The following ERBB3 variants were observed in gnomAD, a reference collection of about 807,000 sequenced individuals.
ERBB3 encodes receptor tyrosine-protein kinase erbB-3.
ERBB3 carries 96 observed loss-of-function variants against 156.7 expected under a neutral mutation model. The observed-to-expected ratio is 0.61, with a 90% CI of 0.52 to 0.73. The LOEUF (loss-of-function observed/expected upper bound fraction) is 0.73, where lower values mean the gene tolerates loss of function less well. ERBB3 is among the 30% of genes least tolerant of loss of function. The probability of loss-of-function intolerance (pLI) is 0.00; values close to 1 mark genes in which losing one functional copy is unlikely to be tolerated. For synonymous variants in ERBB3, 567 were observed against 632.0 expected, an observed-to-expected ratio of 0.90 and a Z score of 1.54; for missense variants, 1,406 against 1,709.4, an observed-to-expected ratio of 0.82 and a Z score of 3.13.
At chr12:56,089,074 C>T (rs890598417) in intron 9 of ERBB3, 11 of 675,572 alleles carry the variant, frequency 1.6e-5, no homozygotes, top group Admixed American at 1.2e-4. Context: ...AATTCAATAT[C>T]GCCCTGCCAA....
At chr12:56,099,198 C>T (rs564272028) in intron 23 of ERBB3, among the ~76,000 whole-genome samples, 20 of 151,640 alleles carry the variant, frequency 1.3e-4, no homozygotes, top group Admixed American at 9.2e-4. Flanking sequence ...TCAGGTGATC[C>T]GCCTGCCTCA....
In ERBB3 at chr12:56,097,705, C is replaced by T. The variant is rs1044227670; in HGVS notation, c.2461-80C>T. 7 of 1,471,812 alleles carry T rather than the reference C, an allele frequency of 4.8e-6. No homozygotes were observed. The African/African-American group carries it at 9.7e-5, about 20-fold the overall frequency. 91.2% of individuals were successfully genotyped at this position (1,471,812 alleles called of 1,614,324 possible). ...GTTGGGGACCACTGCTGAGAGGTAC[C>T]TTCAAGATTTGGGGGAATTCCAGAT... On this transcript the variant is annotated intron_variant, in intron 20 of 27. Coordinates refer to ENST00000267101, the MANE Select transcript of ERBB3 (RefSeq NM_001982.4).
chr12:56,101,306 C>G lies in ERBB3; in HGVS notation c.3447C>G (p.Pro1149=), dbSNP rs775439390. 3.1e-6 allele frequency: 5 copies of G among 1,614,194 alleles called. No individual in the cohort carries two copies. The Admixed American group carries it at 6.7e-5, about 22-fold the overall frequency. Residue 1149 remains proline (P), a synonymous_variant, in exon 27 of 28, where the codon CCC becomes CCG. Transcript: ENST00000267101. ...LLTPVTPLSP[P]GLEEEDVNGY... The stretch of plus-strand genomic sequence containing the variant: ...CTCCTGTTACCCCACTCTCCCCACC[C>G]GGGTTAGAGGAAGAGGATGTCAACG...
In ERBB3 at chr12:56,095,176, A is replaced by G; in HGVS notation, c.1860-81A>G. The G allele has an allele frequency of 2.7e-6, 3 of 1,125,474 alleles. 1 individual carries two copies. The highest frequency in any genetic ancestry group is 2.5e-5 in the South Asian group (2 of 80,900). 69.7% of individuals were successfully genotyped at this position (1,125,474 alleles called of 1,614,324 possible). On this transcript the variant is annotated intron_variant, in intron 15 of 27. Coordinates refer to ENST00000267101, the MANE Select transcript of ERBB3 (RefSeq NM_001982.4). ...ATGGGATGCCACGGTAAGTTCTGAA[A>G]CAAGCTTTTATATGTTAGGCTGTTG... is the stretch of plus-strand genomic sequence containing the variant.
chr12:56,091,282 A>ATGTT (rs1868678053), intron 9 of ERBB3, among the ~76,000 whole-genome samples: 1 of 660 alleles, frequency 1.5e-3, no homozygotes, highest in African/African-American at 3.4e-3. Flanking sequence ...ATATATATAT[A>ATGTT]TATATATATA....
At position 56,101,975 on chromosome 12, in the gene ERBB3, G is replaced by C. The variant is rs770291856; in HGVS notation, c.3949G>C (p.Glu1317Gln). The C allele has an allele frequency of 6.8e-6, 11 of 1,613,814 alleles. No homozygotes were observed. The Middle Eastern group carries it at 1.2e-3, about 169-fold the overall frequency. ...CCGCCTAAAAACTCTACGTAGCTTA[G>C]AGGCTACAGACTCTGCCTTTGATAA... is the stretch of plus-strand genomic sequence containing the variant. ...YARLKTLRSL[E>Q]ATDSAFDNPD... The change falls in exon 28 of 28, where the codon GAG becomes CAG. Residue 1317 changes from glutamate (E) to glutamine (Q), a missense_variant. Glu to Gln is a conservative substitution (Grantham distance 29). Coordinates refer to ENST00000267101, the MANE Select transcript of ERBB3 (RefSeq NM_001982.4).
At chr12:56,085,993 C>T (rs1868472082) in intron 3 of ERBB3, among the ~76,000 whole-genome samples, 1 of 140,846 alleles carries the variant, frequency 7.1e-6, no homozygotes, top group Non-Finnish European at 1.5e-5. Flanking sequence ...GGCGTGAACC[C>T]GGGAGGCGGA....
At chr12:56,088,231 A>G in intron 7 of ERBB3, 69 bp downstream of exon 7, 1 of 1,548,652 alleles carries the variant, frequency 6.5e-7, no homozygotes, top group Non-Finnish European at 8.9e-7. Context: ...AAATTGTGGA[A>G]GGGAAAAAGA....
intron 21 of ERBB3, 153 bp from the exon 22 acceptor site, chr12:56,098,347 G>A (rs1868965869): frequency 7.5e-6 from 5 of 664,956 alleles, no homozygotes; most frequent in Non-Finnish European, 1.3e-5. Context: ...AGGAGGCGGA[G>A]CTTGCAGTGG....
At chr12:56,080,799 A>G (rs1868345159) in intron 1 of ERBB3, among the ~76,000 whole-genome samples, 1 of 151,830 alleles carries the variant, frequency 6.6e-6, no homozygotes, top group Non-Finnish European at 1.5e-5. Flanking sequence ...GATTTCAGCT[A>G]CCCCTAGTTT....
intron 27 of ERBB3, 22 bp downstream of exon 27, chr12:56,101,383 T>C (rs909942178): frequency 6.2e-7 from 1 of 1,612,482 alleles, no homozygotes; most frequent in Non-Finnish European, 8.5e-7. Context: ...TTCCTAGGGC[T>C]TTCCTCAATT....
rs755540867 is a variant in ERBB3, at chr12:56,101,257, A to G, written c.3398A>G (p.His1133Arg). ...SPRPRGDSAY[H>R]SQRHSLLTPV... ...CGGCCACGCGGAGATAGCGCCTACC[A>G]TTCCCAGCGCCACAGTCTGCTGACT... Residue 1133 changes from histidine to arginine, a missense_variant, in exon 27 of 28, where the codon CAT becomes CGT. His to Arg is a conservative substitution (Grantham distance 29). Coordinates refer to ENST00000267101, the MANE Select transcript of ERBB3 (RefSeq NM_001982.4). The G allele has an allele frequency of 1.9e-6, 3 of 1,613,956 alleles. No individual in the cohort carries two copies. The highest frequency in any genetic ancestry group is 3.3e-5 in the Admixed American group (2 of 59,992).
chr12:56,101,593 A>T lies in ERBB3; in HGVS notation c.3567A>T (p.Glu1189Asp). The T allele has an allele frequency of 6.2e-7, 1 of 1,613,700 alleles. No individual in the cohort carries two copies. The highest frequency in any genetic ancestry group is 8.5e-7 in the Non-Finnish European group (1 of 1,179,828). Residue 1189 changes from glutamate to aspartate, a missense_variant, in exon 28 of 28, where the codon GAA becomes GAT. Transcript: ENST00000267101. ...SVGLSSVLGT[E>D]EEDEDEEYEY... ...GTCTCAGTTCTGTCCTGGGTACTGAAGAAGAAGATGAAGATGAGGAGTATG... is the reference window on the plus strand; with the variant it reads ...GTCTCAGTTCTGTCCTGGGTACTGATGAAGAAGATGAAGATGAGGAGTATG...
Position 56,095,557 on chromosome 12 carries a change from G to T in ERBB3, c.1914-108G>T. 3.0e-6 allele frequency: 4 copies of T among 1,331,068 alleles called. No homozygotes were observed. In the South Asian group the frequency reaches 3.6e-5, roughly 12 times the overall value. 82.5% of individuals were successfully genotyped at this position (1,331,068 alleles called of 1,614,324 possible). On this transcript the variant is annotated intron_variant, in intron 16 of 27. Coordinates refer to ENST00000267101, the MANE Select transcript of ERBB3 (RefSeq NM_001982.4). ...AGTGCTTAAGGATATATATGTGAAT[G>T]TTAATTTCTTGCCCCAGGTCAGCAT...
chr12:56,093,634 A>G, intron 12 of ERBB3, 84 bp downstream of exon 12: 1 of 1,549,720 alleles, frequency 6.5e-7, no homozygotes, highest in Non-Finnish European at 8.8e-7. Context: ...TAGACGTGGG[A>G]GTAGGGTTGA....
chr12:56,093,691 G>A (rs1182959202), intron 12 of ERBB3, 73 bp from the exon 13 acceptor site: 41 of 1,600,014 alleles, frequency 2.6e-5, no homozygotes, highest in Admixed American at 1.3e-4. Context: ...AAGCAGTAAC[G>A]AGGAAGAATA....
intron 20 of ERBB3, 100 bp downstream of exon 20, chr12:56,097,330 A>C (rs923943059): frequency 8.7e-7 from 1 of 1,156,030 alleles, no homozygotes; most frequent in African/African-American, 1.5e-5. Context: ...GAGGTCCCCA[A>C]CCCCCGGGCT....
intron 22 of ERBB3, 65 bp downstream of exon 22, chr12:56,098,640 C>A (rs759445625): frequency 1.9e-6 from 3 of 1,573,398 alleles, no homozygotes; most frequent in East Asian, 2.2e-5. Context: ...CTTTTGAGAC[C>A]CCCTCTTAGA....
At position 56,088,768 on chromosome 12, in the gene ERBB3, G is replaced by C. The variant is rs1439217874; in HGVS notation, c.1009G>C (p.Gly337Arg). ...TGCAGCCTGTGAGGGAACAGGCTCT[G>C]GGAGCCGCTTCCAGACTGTGGACTC... Reference protein sequence around the residue: ...CPKACEGTGSGSRFQTVDSSN... With the variant: ...CPKACEGTGSRSRFQTVDSSN... Residue 337 changes from glycine (G) to arginine (R), a missense_variant, in exon 9 of 28, where the codon GGG becomes CGG. Around this residue, in one of 3 missense-constraint regions of ERBB3, gnomAD observed 979 missense variants for 1,219.6 expected, o/e 0.80. Transcript: ENST00000267101. 23 of 1,613,998 alleles carry C rather than the reference G, an allele frequency of 1.4e-5. No individual in the cohort carries two copies. Among genetic ancestry groups the C allele is most frequent in the Non-Finnish European group, 1.9e-5 (23 of 1,180,020 alleles).
Sources: allele counts gnomAD v4.1 joint callset (sites outside exome capture counted in the v4.1 genomes callset), GRCh38; gene constraint gnomAD v4.1.1; regional missense constraint gnomAD v4.1.1; transcripts MANE v1.5; gene names NCBI Gene and HGNC (gene_info 2026-07-23, HGNC 2026-07-21).